The following MYO18B variants were observed in gnomAD, a reference collection of about 807,000 sequenced individuals.
MYO18B encodes the protein myosin XVIIIB.
A neutral mutation model predicts 273.0 loss-of-function variants in MYO18B; 204 were observed. The observed-to-expected ratio is 0.75, with a 90% CI of 0.67 to 0.84. The LOEUF is 0.84. Among genes scored for constraint, MYO18B ranks in the 40% least tolerant of loss-of-function variants. MYO18B has a pLI of 0.00. For synonymous variants in MYO18B, 1,330 were observed against 1,305.7 expected (o/e 1.02, Z -0.40); for missense variants, 3,212 against 3,287.6 (o/e 0.98, Z 0.56).
chr22:25,907,725 T>C (rs141263042), intron 31 of MYO18B, among the ~76,000 whole-genome samples: 56 of 152,264 alleles, frequency 3.7e-4, no homozygotes, highest in African/African-American at 1.3e-3. Context: ...ATGAGAAATA[T>C]GTTTCATCTT....
At chr22:25,907,819 G>A (rs1243386853) in intron 31 of MYO18B, among the ~76,000 whole-genome samples, 2 of 152,134 alleles carry the variant, frequency 1.3e-5, no homozygotes, top group African/African-American at 2.4e-5. Flanking sequence ...TGGATCACCT[G>A]AGGTCAGGAG....
the MYO18B span, among the ~76,000 whole-genome samples, chr22:26,036,714 C>G: frequency 2.0e-5 from 3 of 152,112 alleles, no homozygotes; most frequent in Admixed American, 2.0e-4. Flanking sequence ...TACCAAAAGC[C>G]CTTGGTCTTC....
chr22:25,964,445 G>A (rs977843679), intron 39 of MYO18B, among the ~76,000 whole-genome samples: 3 of 152,150 alleles, frequency 2.0e-5, no homozygotes, highest in African/African-American at 7.2e-5. Flanking sequence ...GATACGCAGT[G>A]TTTACGTGTT....
intron 3 of MYO18B, among the ~76,000 whole-genome samples, chr22:25,764,186 C>T (rs981767608): frequency 3.3e-5 from 5 of 152,226 alleles, no homozygotes; most frequent in African/African-American, 9.6e-5. Context: ...TTCTGAATAG[C>T]GCTGCTGCAT....
intron 18 of MYO18B, among the ~76,000 whole-genome samples, chr22:25,844,418 G>A (rs2090175845): frequency 6.6e-6 from 1 of 152,154 alleles, no homozygotes; most frequent in South Asian, 2.1e-4. Context: ...AATTCCTCAG[G>A]GGTAGAGCTT....
rs780969376 is a variant in MYO18B, at chr22:25,780,215, G to C, written c.2211+17G>C. The stretch of plus-strand genomic sequence containing the variant: ...CAGCTCCAGGTGAGGCCTCTCGGGG[G>C]ATGTGCAAGGGGGCCCTTGGGGCTG... On this transcript the variant is annotated intron_variant, in intron 9 of 43. Coordinates refer to ENST00000335473, the MANE Select transcript of MYO18B (RefSeq NM_032608.7). 6.3e-7 allele frequency: 1 copy of C among 1,594,798 alleles called. No individual in the cohort carries two copies. Among genetic ancestry groups the C allele is most frequent in the Non-Finnish European group, 8.5e-7 (1 of 1,173,246 alleles).
the MYO18B span, among the ~76,000 whole-genome samples, chr22:26,056,331 T>A: frequency 2.1e-4 from 32 of 152,108 alleles, no homozygotes; most frequent in Non-Finnish European, 4.0e-4. Flanking sequence ...GGAAACATAA[T>A]GAAAATCTTA....
chr22:25,851,368 A>AG (rs571029844), intron 20 of MYO18B, 102 bp from the exon 21 acceptor site: 67 of 737,852 alleles, frequency 9.1e-5, no homozygotes, highest in African/African-American at 7.0e-4. Context: ...TAGCCAGGCT[A>AG]GGAAGCAGGA....
At chr22:25,927,182 T>C (rs2092433511) in intron 34 of MYO18B, among the ~76,000 whole-genome samples, 1 of 152,332 alleles carries the variant, frequency 6.6e-6, no homozygotes, top group African/African-American at 2.4e-5. Context: ...ACAGCAATTG[T>C]TCAGGGAATA....
rs188090454 is a variant in MYO18B, at chr22:26,017,158, T to C, written c.6471-9287T>C. Among the ~76,000 whole-genome samples, 754 of 145,938 alleles carry C rather than the reference T, an allele frequency of 5.2e-3. 5 individuals are homozygous for C. Among genetic ancestry groups the C allele is most frequent in the Non-Finnish European group, 8.9e-3 (589 of 66,286 alleles). On this transcript the variant is annotated intron_variant, in intron 42 of 43. Coordinates refer to ENST00000335473, the MANE Select transcript of MYO18B (RefSeq NM_032608.7). Reference sequence around the variant, plus strand: ...CTTCCACTCCCTCCCTCCCTCCTTCTTTCCTTCCCTTGCTCCTTCCTTCCT... The same window carrying C: ...CTTCCACTCCCTCCCTCCCTCCTTCCTTCCTTCCCTTGCTCCTTCCTTCCT...
chr22:25,825,329 G>A (rs1184504298), intron 13 of MYO18B, among the ~76,000 whole-genome samples: 1 of 152,174 alleles, frequency 6.6e-6, no homozygotes, highest in African/African-American at 2.4e-5. Flanking sequence ...TGCTTTCGGG[G>A]CTGCAGTGGG....
chr22:26,058,591 A>G, the MYO18B span, among the ~76,000 whole-genome samples: 1 of 152,304 alleles, frequency 6.6e-6, no homozygotes, highest in African/African-American at 2.4e-5. Flanking sequence ...GTTAGGGTCA[A>G]AGAGACAGAT....
At chr22:25,794,091 G>A (rs922104039) in intron 11 of MYO18B, among the ~76,000 whole-genome samples, 4 of 151,938 alleles carry the variant, frequency 2.6e-5, no homozygotes, top group Non-Finnish European at 4.4e-5. Flanking sequence ...CCGCCACCAC[G>A]CCAGGCTAAT....
intron 33 of MYO18B, among the ~76,000 whole-genome samples, chr22:25,916,607 G>C (rs1223172818): frequency 6.6e-6 from 1 of 152,110 alleles, no homozygotes; most frequent in Non-Finnish European, 1.5e-5. Context: ...AGGATGATTT[G>C]GAGTAACTTT....
chr22:26,046,096 A>G, the MYO18B span, among the ~76,000 whole-genome samples: 1 of 152,276 alleles, frequency 6.6e-6, no homozygotes, highest in South Asian at 2.1e-4. Context: ...TGTGCTTATG[A>G]CTTCAGTAAG....
intron 12 of MYO18B, among the ~76,000 whole-genome samples, chr22:25,821,120 A>C (rs2089261859): frequency 6.6e-6 from 1 of 152,218 alleles, no homozygotes; most frequent in African/African-American, 2.4e-5. Flanking sequence ...ACGGTGAATC[A>C]TGCTACAGTA....
chr22:26,015,726 A>G (rs1314926878), intron 42 of MYO18B, among the ~76,000 whole-genome samples: 1 of 152,188 alleles, frequency 6.6e-6, no homozygotes, highest in Non-Finnish European at 1.5e-5. Flanking sequence ...TGGGTGATGA[A>G]ATAAACTGTA....
intron 29 of MYO18B, chr22:25,900,771 T>C: frequency 6.6e-6 from 1 of 152,572 alleles, no homozygotes; most frequent in Non-Finnish European, 1.5e-5. Flanking sequence ...AGTGGCCTGT[T>C]AAGTCAAGGA....
intron 41 of MYO18B, among the ~76,000 whole-genome samples, chr22:26,004,408 A>G (rs1934253334): frequency 6.6e-6 from 1 of 152,196 alleles, no homozygotes; most frequent in Admixed American, 6.5e-5. Context: ...TGGAGTGTGT[A>G]TCTCCCCAAG....
Sources: gnomAD v4.1 joint callset for allele counts (sites outside exome capture counted in the v4.1 genomes callset) on GRCh38, gnomAD v4.1.1 for gene constraint, MANE v1.5 for transcripts, NCBI Gene and HGNC (gene_info 2026-07-23, HGNC 2026-07-21) for gene names.